RERE: variants seen among roughly 807,000 people sequenced by gnomAD.
RERE encodes the protein arginine-glutamic acid dipeptide repeats.
In RERE, 40 loss-of-function variants were observed where a neutral mutation model predicts 146.1. The observed-to-expected ratio is 0.27, with a 90% confidence interval of 0.21 to 0.36. RERE has a LOEUF of 0.36. Among genes scored for constraint, RERE ranks in the 10% least tolerant of loss-of-function variants. RERE has a pLI of 1.00. For missense variants in RERE, 1,933 were observed against 2,138.7 expected (o/e 0.90, Z 1.90); for synonymous variants, 1,003 against 866.0 (o/e 1.16, Z -2.78).
intron 4 of RERE, among the ~76,000 whole-genome samples, chr1:8,602,849 A>G (rs933181369): frequency 6.6e-6 from 1 of 152,180 alleles, no homozygotes; most frequent in Admixed American, 6.5e-5. Flanking sequence ...AAAAAAATCA[A>G]TCTGACTTTT....
At chr1:8,558,657 C>T (rs1646035208) in intron 4 of RERE, among the ~76,000 whole-genome samples, 1 of 152,116 alleles carries the variant, frequency 6.6e-6, no homozygotes, top group African/African-American at 2.4e-5. Flanking sequence ...ATATAGCCAA[C>T]ACTAAAACAC....
chr1:8,358,153 C>T (rs1466417793), intron 20 of RERE, 43 bp downstream of exon 20: 1 of 1,552,134 alleles, frequency 6.4e-7, no homozygotes, highest in Admixed American at 1.8e-5. Flanking sequence ...GCTCTGCACC[C>T]CTCCCCGTGC....
intron 2 of RERE, among the ~76,000 whole-genome samples, chr1:8,649,501 G>A (rs1418161206): frequency 6.6e-6 from 1 of 152,016 alleles, no homozygotes; most frequent in Non-Finnish European, 1.5e-5. Context: ...AGGCCGAGGT[G>A]GGCAGATCAC....
At chr1:8,454,544 C>T (rs1163086883) in intron 11 of RERE, among the ~76,000 whole-genome samples, 2 of 151,040 alleles carry the variant, frequency 1.3e-5, no homozygotes, top group East Asian at 3.9e-4. Flanking sequence ...TGGTGGCTCA[C>T]GCCTGTAATG....
At position 8,356,391 on chromosome 1, in the gene RERE, C is replaced by CAT; in HGVS notation, c.4340-146_4340-145insAT. On this transcript the variant is annotated intron_variant, in intron 20 of 22. Coordinates refer to ENST00000400908, the MANE Select transcript of RERE (RefSeq NM_001042681.2). The surrounding 1 kb of genome is among the most constrained non-coding windows in gnomAD (Gnocchi z 5.2). ...GGATGCACCACCTGGCTACAGGTGGCCCTGCCCCAAAGTGGCTGCCTCCAC... is the reference window on the plus strand; with the variant it reads ...GGATGCACCACCTGGCTACAGGTGGCATCCTGCCCCAAAGTGGCTGCCTCCAC... 1.0e-6 allele frequency: 1 copy of CAT among 960,284 alleles called. No homozygotes were observed. Among genetic ancestry groups the CAT allele is most frequent in the Non-Finnish European group, 1.4e-6 (1 of 702,976 alleles). The allele number at this position is 960,284 out of a possible 1,614,324, so 59.5% of individuals were successfully genotyped here.
chr1:8,505,054 A>G (rs1645232425), intron 8 of RERE, among the ~76,000 whole-genome samples: 2 of 152,204 alleles, frequency 1.3e-5, no homozygotes, highest in African/African-American at 2.4e-5. Context: ...TAATGCAATC[A>G]GCCAAATCTA....
At chr1:8,609,348 C>T (rs925326148) in intron 4 of RERE, among the ~76,000 whole-genome samples, 1 of 152,130 alleles carries the variant, frequency 6.6e-6, no homozygotes, top group African/African-American at 2.4e-5. Flanking sequence ...TCAGCCTTGG[C>T]ATTATAGGTC....
chr1:8,380,930 C>T (rs1417638069), intron 12 of RERE: 2 of 456,722 alleles, frequency 4.4e-6, no homozygotes, highest in Non-Finnish European at 8.8e-6. Context: ...CATCTCCTAC[C>T]ACGTTCGGCT....
chr1:8,622,161 C>T (rs961422666), intron 3 of RERE, among the ~76,000 whole-genome samples: 7 of 152,152 alleles, frequency 4.6e-5, no homozygotes, highest in East Asian at 1.9e-4. Flanking sequence ...GAGCAATTAC[C>T]GTAACTCAGC....
intron 1 of RERE, among the ~76,000 whole-genome samples, chr1:8,681,045 T>C (rs1344160106): frequency 1.3e-5 from 2 of 152,192 alleles, no homozygotes; most frequent in Non-Finnish European, 2.9e-5. Flanking sequence ...TCAGAAAGCA[T>C]GTAAAACCAT....
chr1:8,501,931 GA>G (rs1645168721), intron 8 of RERE, among the ~76,000 whole-genome samples: 2 of 74,608 alleles, frequency 2.7e-5, no homozygotes, highest in Non-Finnish European at 5.6e-5. Context: ...GTCCGGGAGG[GA>G]GGTGGGGGGG....
At chr1:8,527,093 C>A (rs1645579382) in intron 7 of RERE, among the ~76,000 whole-genome samples, 1 of 152,176 alleles carries the variant, frequency 6.6e-6, no homozygotes, top group South Asian at 2.1e-4. Context: ...AATGCAGAAT[C>A]AATTCCATTT....
At chr1:8,659,220 C>A (rs1032203531) in intron 1 of RERE, among the ~76,000 whole-genome samples, 2 of 152,186 alleles carry the variant, frequency 1.3e-5, no homozygotes, top group African/African-American at 2.4e-5. Context: ...ACTTCCTCGA[C>A]AAGTCTTAAG....
chr1:8,409,971 ATTTTTTTTTTTT>A (rs57424627), intron 12 of RERE, among the ~76,000 whole-genome samples: 16 of 95,380 alleles, frequency 1.7e-4, no homozygotes, highest in East Asian at 1.1e-3. Flanking sequence ...CAATCAGGCA[ATTTTTTTTTTTT>A]TTTTTTTTTT....
intron 1 of RERE, among the ~76,000 whole-genome samples, chr1:8,795,272 C>G (rs1306959332): frequency 6.6e-6 from 1 of 151,888 alleles, no homozygotes; most frequent in East Asian, 1.9e-4. Flanking sequence ...GACCTGCCCG[C>G]CTCGGCCTCC....
chr1:8,541,983 GTTCA>G (rs1419987417), intron 6 of RERE, among the ~76,000 whole-genome samples: 1 of 152,098 alleles, frequency 6.6e-6, no homozygotes, highest in Admixed American at 6.5e-5. Flanking sequence ...AAGTTTTCAG[GTTCA>G]TTTACCACCT....
At chr1:8,528,208 C>A (rs1645593902) in intron 7 of RERE, among the ~76,000 whole-genome samples, 1 of 152,056 alleles carries the variant, frequency 6.6e-6, no homozygotes, top group African/African-American at 2.4e-5. Flanking sequence ...ACAAAACTGG[C>A]TTCTAACTCT....
chr1:8,364,779 T>C lies in RERE; in HGVS notation c.1507A>G (p.Lys503Glu). The C allele has an allele frequency of 6.2e-7, 1 of 1,613,980 alleles. No homozygotes were observed. ...FDSEDSEQEL[K>E]GYACRHCFTT... ...AAGCAGTGGCGGCAGGCGTACCCCTTCAGCTCCTGCTCACTGTCCTCACTG... is the reference window on the plus strand; with the variant it reads ...AAGCAGTGGCGGCAGGCGTACCCCTCCAGCTCCTGCTCACTGTCCTCACTG... The change falls in exon 14 of 23, where the codon AAG (lysine) becomes GAG (glutamate). Residue 503 changes from lysine to glutamate, a missense_variant. Coordinates refer to ENST00000400908, the MANE Select transcript of RERE (RefSeq NM_001042681.2). The surrounding 1 kb of genome is among the most constrained non-coding windows in gnomAD (Gnocchi z 5.1).
At chr1:8,784,182 C>T (rs968002548) in intron 1 of RERE, among the ~76,000 whole-genome samples, 5 of 152,180 alleles carry the variant, frequency 3.3e-5, no homozygotes, top group Non-Finnish European at 2.9e-5. Flanking sequence ...GACTATTCTC[C>T]TCTGTCTGGG....
Sources: allele counts gnomAD v4.1 joint callset (sites outside exome capture counted in the v4.1 genomes callset), GRCh38; gene constraint gnomAD v4.1.1; non-coding constraint Gnocchi (gnomAD v3.1); transcripts MANE v1.5; gene names NCBI Gene and HGNC (gene_info 2026-07-23, HGNC 2026-07-21).